CEP63: variants seen among roughly 807,000 people sequenced by gnomAD.
CEP63 encodes centrosomal protein 63, also known as centrosomal protein of 63 kDa.
A neutral mutation model predicts 89.1 loss-of-function variants in CEP63; 84 were observed. That is an observed-to-expected ratio of 0.94 (90% CI 0.79 to 1.13). The LOEUF is 1.13. Among genes scored for constraint, CEP63 ranks in the 50% most tolerant of loss-of-function variants. The pLI is 0.00. For missense variants in CEP63, 838 were observed against 813.3 expected, an observed-to-expected ratio of 1.03 and a Z score of -0.37; for synonymous variants, 267 against 272.5, an observed-to-expected ratio of 0.98 and a Z score of 0.20.
chr3:134,515,850 C>T (rs779695854), intron 3 of CEP63, among the ~76,000 whole-genome samples: 3 of 152,170 alleles, frequency 2.0e-5, no homozygotes, highest in Non-Finnish European at 4.4e-5. Context: ...AGGAAGTTCA[C>T]ACATTTGTGT....
At chr3:134,608,730 C>T in the CEP63 span, 2 of 1,614,058 alleles carry the variant, frequency 1.2e-6, no homozygotes, top group South Asian at 2.2e-5. Flanking sequence ...ATGTTGTTCT[C>T]AAACTGCCTC....
At chr3:134,638,147 T>C in the CEP63 span, among the ~76,000 whole-genome samples, 3 of 152,288 alleles carry the variant, frequency 2.0e-5, no homozygotes, top group African/African-American at 7.2e-5. Flanking sequence ...AGGGCACCAC[T>C]GGGAGGCTTT....
chr3:134,561,725 C>G lies in CEP63; in HGVS notation c.*190C>G. ...TCTCTGCACTGGTTTGTTTAAAGGA[C>G]TTCTTCCAGCAATAAGTTGAAAGAA... On this transcript the variant is annotated 3_prime_UTR_variant, in exon 15 of 15. Transcript: ENST00000675561. 1 of 1,403,708 alleles carries G rather than the reference C, an allele frequency of 7.1e-7. No homozygotes were observed. Among genetic ancestry groups the G allele is most frequent in the Non-Finnish European group, 9.2e-7 (1 of 1,083,028 alleles). 87.0% of individuals were successfully genotyped at this position (1,403,708 alleles called of 1,614,324 possible). A position where few individuals can be genotyped will look rare whatever the true frequency, so the allele number is the denominator to read the frequency against.
chr3:134,730,769 G>A, the CEP63 span, among the ~76,000 whole-genome samples: 1 of 152,022 alleles, frequency 6.6e-6, no homozygotes, highest in African/African-American at 2.4e-5. Flanking sequence ...ATTATTCTAT[G>A]TAAATATCTA....
At chr3:134,751,182 T>C in the CEP63 span, among the ~76,000 whole-genome samples, 1 of 152,248 alleles carries the variant, frequency 6.6e-6, no homozygotes, top group Non-Finnish European at 1.5e-5. Context: ...TCACTTAGTA[T>C]AATTATTTAA....
the CEP63 span, among the ~76,000 whole-genome samples, chr3:134,694,537 C>T: frequency 1.2e-4 from 19 of 152,206 alleles, no homozygotes; most frequent in Admixed American, 1.2e-3. Flanking sequence ...GAATGTTTGT[C>T]TGTGCCTGGG....
At chr3:134,599,793 C>T in the CEP63 span, among the ~76,000 whole-genome samples, 6 of 152,168 alleles carry the variant, frequency 3.9e-5, no homozygotes, top group South Asian at 2.1e-4. Context: ...CGCATCTCAC[C>T]GTCGCATTCA....
rs1282599738 is a variant in CEP63 at position 134,562,099 on chromosome 3, C to G, written c.*564C>G. 1.0e-6 allele frequency: 1 copy of G among 992,432 alleles called. No individual in the cohort carries two copies. The highest frequency in any genetic ancestry group is 1.2e-6 in the Non-Finnish European group (1 of 834,298). 61.5% of individuals were successfully genotyped at this position (992,432 alleles called of 1,614,324 possible). On this transcript the variant is annotated 3_prime_UTR_variant, in exon 15 of 15. Transcript: ENST00000675561. ...TGCTAAAGAACCTTATCAAGCAGTCCTCTCTTGCTCAACACTCATGCAGAG... is the reference window on the plus strand; with the variant it reads ...TGCTAAAGAACCTTATCAAGCAGTCGTCTCTTGCTCAACACTCATGCAGAG...
intron 3 of CEP63, among the ~76,000 whole-genome samples, chr3:134,516,773 T>A (rs1351826380): frequency 6.6e-6 from 1 of 152,184 alleles, no homozygotes; most frequent in Non-Finnish European, 1.5e-5. Flanking sequence ...AGGTTACAGA[T>A]TAACAGCATC....
chr3:134,643,327 T>A, the CEP63 span: 8 of 1,613,710 alleles, frequency 5.0e-6, no homozygotes, highest in South Asian at 7.7e-5. Context: ...TTGGCTGTTG[T>A]AGGAAGTGAT....
the CEP63 span, among the ~76,000 whole-genome samples, chr3:134,680,195 T>A: frequency 4.6e-5 from 7 of 152,148 alleles, no homozygotes; most frequent in African/African-American, 1.7e-4. Flanking sequence ...CCTCCAGAGC[T>A]ATGAGAAAAC....
chr3:134,552,643 T>G (rs1009264431), intron 12 of CEP63: 3 of 152,040 alleles, frequency 2.0e-5, no homozygotes, highest in African/African-American at 7.2e-5. Flanking sequence ...TCCTAGATGG[T>G]GGTATTATTA....
chr3:134,612,767 G>GTGTA, the CEP63 span, among the ~76,000 whole-genome samples: 2 of 150,184 alleles, frequency 1.3e-5, no homozygotes, highest in African/African-American at 4.9e-5. Flanking sequence ...GTGTGTGTGT[G>GTGTA]TGTGTGTGTG....
chr3:134,548,332 G>A (rs1195250255), intron 9 of CEP63, among the ~76,000 whole-genome samples: 3 of 152,198 alleles, frequency 2.0e-5, no homozygotes, highest in African/African-American at 7.2e-5. Flanking sequence ...AGGGGTAACA[G>A]TTGACACATG....
At chr3:134,701,557 C>T in the CEP63 span, among the ~76,000 whole-genome samples, 1 of 150,828 alleles carries the variant, frequency 6.6e-6, no homozygotes, top group African/African-American at 2.4e-5. Flanking sequence ...CTATGGACAT[C>T]AAGGGTATTC....
At chr3:134,566,182 C>T (rs1394445021), downstream of CEP63, among the ~76,000 whole-genome samples, 2 of 151,720 alleles carry the variant, frequency 1.3e-5, no homozygotes, top group Non-Finnish European at 2.9e-5. Flanking sequence ...TTTATGTTGC[C>T]CATTAAGACC....
chr3:134,633,745 C>A, the CEP63 span, among the ~76,000 whole-genome samples: 1 of 152,024 alleles, frequency 6.6e-6, no homozygotes, highest in East Asian at 1.9e-4. Flanking sequence ...TACTGGAAGT[C>A]CCACCCTGTG....
the CEP63 span, chr3:134,604,539 T>G: frequency 1.4e-6 from 2 of 1,382,320 alleles, no homozygotes. Context: ...TGGTAAATGT[T>G]TAACAACTGT....
downstream of CEP63, among the ~76,000 whole-genome samples, chr3:134,567,120 A>C (rs1957800653): frequency 6.6e-6 from 1 of 150,514 alleles, no homozygotes; most frequent in Admixed American, 6.7e-5. Context: ...CTGATGCCAC[A>C]GCATGGATGA....
Sources: allele counts gnomAD v4.1 joint callset (sites outside exome capture counted in the v4.1 genomes callset), GRCh38; gene constraint gnomAD v4.1.1; transcripts MANE v1.5; gene names NCBI Gene and HGNC (gene_info 2026-07-23, HGNC 2026-07-21).